CTR9: variants seen among roughly 807,000 people sequenced by gnomAD.
The protein encoded by CTR9 is RNA polymerase-associated protein CTR9 homolog.
CTR9 carries 41 observed loss-of-function variants against 152.1 expected under a neutral mutation model. The observed-to-expected ratio is 0.27, with a 90% confidence interval of 0.21 to 0.35. The LOEUF (loss-of-function observed/expected upper bound fraction) is 0.35, where lower values mean the gene tolerates loss of function less well. Ranked by LOEUF, CTR9 falls within the 10% of genes least tolerant of loss-of-function variation. CTR9 has a pLI of 1.00. For missense variants in CTR9, 917 were observed against 1,424.4 expected, an observed-to-expected ratio of 0.64 and a Z score of 5.73; for synonymous variants, 476 against 496.2, an observed-to-expected ratio of 0.96 and a Z score of 0.54.
chr11:10,775,466 C>T (rs1472846960), intron 23 of CTR9, 55 bp from the exon 24 acceptor site: 1 of 1,483,002 alleles, frequency 6.7e-7, no homozygotes, highest in Middle Eastern at 1.7e-4. Flanking sequence ...CCCAATTTAA[C>T]AAGATGGCCT....
At chr11:10,766,553 C>A in intron 13 of CTR9, 63 bp downstream of exon 13, 2 of 1,255,528 alleles carry the variant, frequency 1.6e-6, no homozygotes, top group South Asian at 1.4e-5. Flanking sequence ...CCCCATAAAT[C>A]AGTTTTTCCT....
chr11:10,755,542 G>A (rs1364745328), intron 3 of CTR9, 136 bp from the exon 4 acceptor site: 2 of 596,028 alleles, frequency 3.4e-6, no homozygotes, highest in East Asian at 2.8e-5. Context: ...AGAATTGCTT[G>A]TTAGTAGCTT....
At position 10,755,669 on chromosome 11, in the gene CTR9, A is replaced by C. The variant is rs371116480; in HGVS notation, c.385-9A>C. 5 of 1,560,934 alleles carry C rather than the reference A, an allele frequency of 3.2e-6. No homozygotes were observed. In the African/African-American group the frequency reaches 6.8e-5, roughly 21 times the overall value. On this transcript the variant is annotated splice_polypyrimidine_tract_variant and intron_variant, in intron 3 of 24. Transcript: ENST00000361367. ...GGGGTAAAATCTAAGATAATACATT[A>C]CTTCATAGAACCATTTGTTGGGAAG...
In CTR9 at chr11:10,775,648, C is replaced by T; in HGVS notation, c.3095+15C>T. The stretch of plus-strand genomic sequence containing the variant: ...GCTGATGAAGGGTAGGATATTTTCT[C>T]TTTGTAAATTCTTCTCATGATGTAG... On this transcript the variant is annotated intron_variant, in intron 24 of 24. Coordinates refer to ENST00000361367, the MANE Select transcript of CTR9 (RefSeq NM_014633.5). 6.5e-7 allele frequency: 1 copy of T among 1,533,978 alleles called. No homozygotes were observed. The highest frequency in any genetic ancestry group is 9.0e-7 in the Non-Finnish European group (1 of 1,111,778).
chr11:10,772,084 A>G (rs536029792), intron 19 of CTR9, among the ~76,000 whole-genome samples: 81 of 152,130 alleles, frequency 5.3e-4, no homozygotes, highest in Non-Finnish European at 1.1e-3. Flanking sequence ...GGCTGGGCGC[A>G]GTGGCTCACA....
chr11:10,769,803 C>T (rs1414408358), intron 16 of CTR9, among the ~76,000 whole-genome samples: 3 of 152,150 alleles, frequency 2.0e-5, no homozygotes. Flanking sequence ...ATGCTCATTG[C>T]CAGTAGGTTC....
At position 10,755,053 on chromosome 11, in the gene CTR9, A is replaced by G. The variant is rs35582466; in HGVS notation, c.240A>G (p.Lys80=). 5.2e-4 allele frequency: 847 copies of G among 1,614,128 alleles called. 6 individuals carry two copies. In the African/African-American group the frequency reaches 0.01, roughly 19 times the overall value. Residue 80 remains lysine (K), a synonymous_variant, in exon 3 of 25, where the codon AAA becomes AAG. Coordinates refer to ENST00000361367, the MANE Select transcript of CTR9 (RefSeq NM_014633.5). ...ATTTGGACTATAGAGACCATGAAAA[A>G]GACCAGATGACTTGCTTGGATACAT... ...DGNLDYRDHE[K]DQMTCLDTLA...
intron 1 of CTR9, 58 bp downstream of exon 1, chr11:10,751,515 G>C: frequency 6.7e-7 from 1 of 1,502,286 alleles, no homozygotes; most frequent in East Asian, 2.3e-5. Context: ...CGCCCCCACC[G>C]ACTTCGCTCG....
rs1218903176 is a variant in CTR9 at position 10,751,338 on chromosome 11, C to G, written c.-75C>G. Reference sequence around the variant, plus strand: ...CCAGAGCCGGAGCCGTCACTCACCTCTGGATTAGCCTGAAGCGGAGACTAC... The same window carrying G: ...CCAGAGCCGGAGCCGTCACTCACCTGTGGATTAGCCTGAAGCGGAGACTAC... On this transcript the variant is annotated 5_prime_UTR_variant, in exon 1 of 25. Transcript: ENST00000361367. 3.3e-6 allele frequency: 5 copies of G among 1,528,278 alleles called. No individual in the cohort carries two copies. The highest frequency in any genetic ancestry group is 2.2e-5 in the South Asian group (2 of 89,242). 94.7% of individuals were successfully genotyped at this position (1,528,278 alleles called of 1,614,324 possible).
In CTR9 at chr11:10,752,863, T is replaced by C; in HGVS notation, c.144+93T>C. 3.1e-6 allele frequency: 3 copies of C among 969,800 alleles called. No homozygotes were observed. The South Asian group carries it at 4.1e-5, about 13-fold the overall frequency. The allele number at this position is 969,800 out of a possible 1,614,324, so 60.1% of individuals were successfully genotyped here. A position where few individuals can be genotyped will look rare whatever the true frequency, so the allele number is the denominator to read the frequency against. On this transcript the variant is annotated intron_variant, in intron 2 of 24. Transcript: ENST00000361367. ...TATAGTAATAGCCAGCTTGGCTGCATGGTAGATTAGTTATACCATGTGTAT... is the reference window on the plus strand; with the variant it reads ...TATAGTAATAGCCAGCTTGGCTGCACGGTAGATTAGTTATACCATGTGTAT...
rs1863014420 is a variant in CTR9, at chr11:10,763,744, T to C, written c.1059T>C (p.Tyr353=). The part of the protein sequence containing the change: ...PFFGLGQMYI[Y]RGDKENASQC... Reference sequence around the variant, plus strand: ...TTGGTTTGGGACAAATGTATATTTATCGAGGTGACAAAGAAAATGCATCTC... The same window carrying C: ...TTGGTTTGGGACAAATGTATATTTACCGAGGTGACAAAGAAAATGCATCTC... The change falls in exon 9 of 25, where the codon TAT becomes TAC. Residue 353 remains tyrosine, a synonymous_variant. Coordinates refer to ENST00000361367, the MANE Select transcript of CTR9 (RefSeq NM_014633.5). 7 of 1,614,056 alleles carry C rather than the reference T, an allele frequency of 4.3e-6. No homozygotes were observed. The highest frequency in any genetic ancestry group is 5.1e-6 in the Non-Finnish European group (6 of 1,179,978).
chr11:10,769,629 A>G (rs1863111637), intron 16 of CTR9, among the ~76,000 whole-genome samples: 1 of 152,214 alleles, frequency 6.6e-6, no homozygotes, highest in Non-Finnish European at 1.5e-5. Context: ...ATTAACTACT[A>G]GGGATATTCA....
chr11:10,761,977 C>T lies in CTR9; in HGVS notation c.772C>T (p.Leu258Phe), dbSNP rs536839196. ...TTCCATTAAAAATGGTGTCCAGCTTCTTTCCAGAGCCTATACTATTGATCC... is the reference window on the plus strand; with the variant it reads ...TTCCATTAAAAATGGTGTCCAGCTTTTTTCCAGAGCCTATACTATTGATCC... ...ADSIKNGVQL[L>F]SRAYTIDPSN... Residue 258 changes from leucine to phenylalanine, a missense_variant, in exon 7 of 25, where the codon CTT becomes TTT. By Grantham distance (22) the Leu-to-Phe change is conservative. Around this residue, in one of 9 missense-constraint regions of CTR9, gnomAD observed 110 missense variants for 149.5 expected, o/e 0.74. Coordinates refer to ENST00000361367, the MANE Select transcript of CTR9 (RefSeq NM_014633.5). 1 of 1,608,962 alleles carries T rather than the reference C, an allele frequency of 6.2e-7. No homozygotes were observed. The highest frequency in any genetic ancestry group is 2.2e-5 in the East Asian group (1 of 44,670).
rs1206105317 is a variant in CTR9 at position 10,755,205 on chromosome 11, T to A, written c.384+8T>A. ...ATTATTATGTATGATCAGGTAAAAA[T>A]AAAGTCAAATTTCTTTCCATTTATG... On this transcript the variant is annotated splice_region_variant and intron_variant, in intron 3 of 24. Transcript: ENST00000361367. 1 of 1,591,602 alleles carries A rather than the reference T, an allele frequency of 6.3e-7. No homozygotes were observed. The highest frequency in any genetic ancestry group is 1.4e-5 in the African/African-American group (1 of 73,956).
Position 10,764,440 on chromosome 11 carries a change from G to C in CTR9, c.1413+4G>C. ...TGGAAACCTAGGGGAGGCTAAGGTAGGAAAATAGAAATATTTCCTTCTTTT... is the reference window on the plus strand; with the variant it reads ...TGGAAACCTAGGGGAGGCTAAGGTACGAAAATAGAAATATTTCCTTCTTTT... On this transcript the variant is annotated splice_donor_region_variant and intron_variant, in intron 11 of 24. Transcript: ENST00000361367. 6.2e-7 allele frequency: 1 copy of C among 1,609,766 alleles called. No homozygotes were observed. Among genetic ancestry groups the C allele is most frequent in the Non-Finnish European group, 8.5e-7 (1 of 1,179,074 alleles).
intron 24 of CTR9, 85 bp from the exon 25 acceptor site, chr11:10,778,594 T>A: frequency 7.8e-7 from 1 of 1,279,110 alleles, no homozygotes; most frequent in Non-Finnish European, 1.1e-6. Flanking sequence ...TTAAATGCCC[T>A]TCTGTTTTAA....
chr11:10,768,293 T>C (rs1863090518), intron 15 of CTR9, 50 bp from the exon 16 acceptor site: 1 of 1,585,470 alleles, frequency 6.3e-7, no homozygotes, highest in Non-Finnish European at 8.6e-7. Context: ...TAGTTGTTTT[T>C]CTGACTCCAA....
chr11:10,751,642 C>T (rs934190569), intron 1 of CTR9, among the ~76,000 whole-genome samples, 185 bp downstream of exon 1: 1 of 152,156 alleles, frequency 6.6e-6, no homozygotes, highest in Non-Finnish European at 1.5e-5. Context: ...GGGGGCACCG[C>T]GTCTCTGCAG....
chr11:10,758,076 A>T (rs947988236), intron 5 of CTR9, among the ~76,000 whole-genome samples: 13 of 152,108 alleles, frequency 8.5e-5, no homozygotes, highest in African/African-American at 2.9e-4. Flanking sequence ...ATAGAGAGAG[A>T]AAGAGTTGGG....
Sources: allele counts gnomAD v4.1 joint callset (sites outside exome capture counted in the v4.1 genomes callset), GRCh38; gene constraint gnomAD v4.1.1; regional missense constraint gnomAD v4.1.1; transcripts MANE v1.5; gene names NCBI Gene and HGNC (gene_info 2026-07-23, HGNC 2026-07-21).